The following RBFOX3 variants were observed in gnomAD, a reference collection of about 807,000 sequenced individuals.
RBFOX3 encodes the protein RNA binding protein fox-1 homolog 3.
RBFOX3 carries 17 observed loss-of-function variants against 48.7 expected under a neutral mutation model. That is an observed-to-expected ratio of 0.35 (90% CI 0.24 to 0.52). The LOEUF (loss-of-function observed/expected upper bound fraction) is 0.52. RBFOX3 is among the 20% of genes least tolerant of loss of function. The pLI, the probability that RBFOX3 is intolerant of heterozygous loss-of-function variation, is 0.94. For missense variants in RBFOX3, 382 were observed against 497.5 expected (o/e 0.77, Z 2.21); for synonymous variants, 212 against 209.5 (o/e 1.01, Z -0.10).
the RBFOX3 span, among the ~76,000 whole-genome samples, chr17:79,622,073 A>C: frequency 2.0e-5 from 3 of 152,056 alleles, no homozygotes; most frequent in Non-Finnish European, 4.4e-5. Context: ...GGCTTTTCTA[A>C]GGTGTCCTTT....
intron 2 of RBFOX3, among the ~76,000 whole-genome samples, chr17:79,313,483 C>G (rs1598213764): frequency 2.6e-5 from 4 of 152,210 alleles, no homozygotes; most frequent in South Asian, 2.1e-4. Flanking sequence ...CCCAGACCCC[C>G]CTGCAGGTCC....
intron 3 of RBFOX3, among the ~76,000 whole-genome samples, chr17:79,255,205 C>T (rs1411870347): frequency 6.7e-6 from 1 of 149,128 alleles, no homozygotes; most frequent in Non-Finnish European, 1.5e-5. Context: ...CTGAGTGGCC[C>T]TGTGGTCACA....
At chr17:79,181,889 C>T (rs1422283073) in intron 4 of RBFOX3, among the ~76,000 whole-genome samples, 1 of 152,026 alleles carries the variant, frequency 6.6e-6, no homozygotes. Context: ...CCTTGGAGGG[C>T]CAAGGGGCAC....
At chr17:79,509,533 C>T (rs927396862) in intron 1 of RBFOX3, among the ~76,000 whole-genome samples, 2 of 152,114 alleles carry the variant, frequency 1.3e-5, no homozygotes, top group Non-Finnish European at 2.9e-5. Flanking sequence ...GCACTTGTAT[C>T]GTAACAGCGT....
the RBFOX3 span, among the ~76,000 whole-genome samples, chr17:79,639,329 C>T: frequency 2.5e-4 from 38 of 152,166 alleles, no homozygotes; most frequent in African/African-American, 6.7e-4. Context: ...CACCCACCAC[C>T]GCGCCCGGCT....
intron 4 of RBFOX3, among the ~76,000 whole-genome samples, chr17:79,221,908 G>A (rs1485460719): frequency 6.6e-6 from 1 of 152,210 alleles, no homozygotes; most frequent in Non-Finnish European, 1.5e-5. Flanking sequence ...GGGGAAGGGT[G>A]GAGGTGCAGA....
chr17:79,638,945 C>G, the RBFOX3 span, among the ~76,000 whole-genome samples: 5 of 152,148 alleles, frequency 3.3e-5, no homozygotes, highest in Admixed American at 3.3e-4. Flanking sequence ...TACCCATGCT[C>G]AGCTATTTTA....
At chr17:79,176,059 GACTCTAA>G (rs2050469793) in intron 4 of RBFOX3, among the ~76,000 whole-genome samples, 1 of 152,312 alleles carries the variant, frequency 6.6e-6, no homozygotes, top group Middle Eastern at 3.4e-3. Flanking sequence ...CTTTACTCTG[GACTCTAA>G]ACTCAGGGCC....
rs117227783 is a variant in RBFOX3, at chr17:79,299,764, C to T, written c.-74+7960G>A. Among the ~76,000 whole-genome samples the T allele has an allele frequency of 0.014, 2,155 of 152,288 alleles. 24 individuals carry two copies. The highest frequency in any genetic ancestry group is 0.021 in the Non-Finnish European group (1,460 of 68,016). ...CCTGAAGAGGAGATTAGGACAGACG[C>T]AAACAGAGGGATGGCCACATAAGGA... is the stretch of plus-strand genomic sequence containing the variant. On this transcript the variant is annotated intron_variant, in intron 3 of 14. Coordinates refer to ENST00000693108, the MANE Select transcript of RBFOX3 (RefSeq NM_001350451.2). This position sits in a 1 kb window ranked among gnomAD's most constrained non-coding sequence, Gnocchi z 4.5.
In RBFOX3 at chr17:79,214,628, C is replaced by T. The variant is rs1260870721; in HGVS notation, c.-34+21138G>A. On this transcript the variant is annotated intron_variant, in intron 4 of 14. Transcript: ENST00000693108. This position sits in a 1 kb window ranked among gnomAD's most constrained non-coding sequence, Gnocchi z 4.7. The stretch of plus-strand genomic sequence containing the variant: ...GCTGTCCAGGGAGAGAGAGGAGGAG[C>T]CCAGGCTCCCAGGCAGGGCTGAAGC... Among the ~76,000 whole-genome samples the T allele has an allele frequency of 6.6e-6, 1 of 151,718 alleles. No homozygotes were observed. The highest frequency in any genetic ancestry group is 1.5e-5 in the Non-Finnish European group (1 of 67,932).
chr17:79,184,179 T>C (rs1206219834), intron 4 of RBFOX3, among the ~76,000 whole-genome samples: 2 of 152,128 alleles, frequency 1.3e-5, no homozygotes, highest in African/African-American at 2.4e-5. Flanking sequence ...GCCCAGGGCT[T>C]GGAAATCCAA....
intron 2 of RBFOX3, among the ~76,000 whole-genome samples, chr17:79,360,174 C>G (rs1222410686): frequency 6.6e-6 from 1 of 152,170 alleles, no homozygotes; most frequent in Non-Finnish European, 1.5e-5. Context: ...AAAAATACTT[C>G]ATGGTACTGG....
At chr17:79,192,870 G>A (rs1039376246) in intron 4 of RBFOX3, among the ~76,000 whole-genome samples, 1 of 152,118 alleles carries the variant, frequency 6.6e-6, no homozygotes. Context: ...CTCCCTTTGG[G>A]GCCCTGCACA....
intron 4 of RBFOX3, among the ~76,000 whole-genome samples, chr17:79,177,412 C>A (rs901994130): frequency 7.2e-5 from 11 of 152,326 alleles, no homozygotes; most frequent in African/African-American, 2.6e-4. Flanking sequence ...GCAGCAGACA[C>A]CCCGCTGTGC....
intron 2 of RBFOX3, among the ~76,000 whole-genome samples, chr17:79,426,165 G>T (rs574933497): frequency 1.3e-5 from 2 of 152,202 alleles, no homozygotes; most frequent in South Asian, 4.2e-4. Context: ...GAGCAGAAGA[G>T]CTGGCTGGGG....
intron 3 of RBFOX3, among the ~76,000 whole-genome samples, chr17:79,267,959 T>C (rs1430231498): frequency 2.0e-5 from 3 of 152,190 alleles, no homozygotes; most frequent in Admixed American, 2.0e-4. Flanking sequence ...ATTTCTAAAA[T>C]GCCTTCCACT....
intron 4 of RBFOX3, among the ~76,000 whole-genome samples, chr17:79,158,600 C>A (rs567942243): frequency 6.6e-6 from 1 of 152,224 alleles, no homozygotes; most frequent in Non-Finnish European, 1.5e-5. Flanking sequence ...CAGAGGCAGG[C>A]AGGGTCTGCT....
At chr17:79,375,119 T>C (rs1403416559) in intron 2 of RBFOX3, among the ~76,000 whole-genome samples, 2 of 152,144 alleles carry the variant, frequency 1.3e-5, no homozygotes, top group Non-Finnish European at 2.9e-5. Flanking sequence ...CCTACAGTAA[T>C]GTGACATCCC....
intron 4 of RBFOX3, among the ~76,000 whole-genome samples, chr17:79,161,902 C>G (rs955573108): frequency 1.3e-5 from 2 of 152,196 alleles, no homozygotes. Context: ...CACACCCACA[C>G]TCTGTGGGGA....
Sources: allele counts gnomAD v4.1 joint callset (sites outside exome capture counted in the v4.1 genomes callset), GRCh38; gene constraint gnomAD v4.1.1; non-coding constraint Gnocchi (gnomAD v3.1); transcripts MANE v1.5; gene names NCBI Gene and HGNC (gene_info 2026-07-23, HGNC 2026-07-21).